WWOX: variants seen among roughly 807,000 people sequenced by gnomAD.
WWOX encodes WW domain-containing oxidoreductase.
Under a neutral mutation model 46.2 loss-of-function variants are expected in WWOX, and 69 were observed. That is an observed-to-expected ratio of 1.49 (90% confidence interval 1.23 to 1.82). The LOEUF is 1.82. Ranked by LOEUF, WWOX falls within the 40% of genes most tolerant of loss-of-function variation. The pLI is 0.00. For missense variants in WWOX, 919 were observed against 542.6 expected, an observed-to-expected ratio of 1.69 and a Z score of -6.89; for synonymous variants, 359 against 202.6, an observed-to-expected ratio of 1.77 and a Z score of -6.56.
intron 8 of WWOX, among the ~76,000 whole-genome samples, chr16:78,695,971 C>G (rs1221014523): frequency 6.6e-6 from 1 of 152,118 alleles, no homozygotes; most frequent in Non-Finnish European, 1.5e-5. Context: ...GATCTTGGGC[C>G]CCGCCCCAGA....
intron 8 of WWOX, among the ~76,000 whole-genome samples, chr16:79,013,177 C>T (rs562865116): frequency 2.0e-5 from 3 of 152,322 alleles, no homozygotes; most frequent in East Asian, 1.9e-4. Context: ...TGCCGCCCAC[C>T]GCACAGCCCC....
Position 78,341,413 on chromosome 16 carries a change from A to G in WWOX, c.517-45447A>G, listed in dbSNP as rs556797904. Among the ~76,000 whole-genome samples the G allele has an allele frequency of 3.6e-4, 44 of 121,736 alleles. 8 individuals are homozygous for G. Among genetic ancestry groups the G allele is most frequent in the African/African-American group, 1.2e-3 (44 of 36,104 alleles). The allele number at this position is 121,736 out of a possible 152,430, so 79.9% of individuals were successfully genotyped here. A position where few individuals can be genotyped will look rare whatever the true frequency, so the allele number is the denominator to read the frequency against. On this transcript the variant is annotated intron_variant, in intron 5 of 8. Coordinates refer to ENST00000566780, the MANE Select transcript of WWOX (RefSeq NM_016373.4). The stretch of plus-strand genomic sequence containing the variant: ...TTGGGATGAAAATTTTAAAAAATCA[A>G]TATGTATAATCCACCATCTTTGTTC...
intron 8 of WWOX, among the ~76,000 whole-genome samples, chr16:78,661,092 T>C (rs2047199811): frequency 6.6e-6 from 1 of 152,188 alleles, no homozygotes; most frequent in Admixed American, 6.5e-5. Context: ...AGGGAGGATT[T>C]CCAGCAGCAG....
At chr16:78,471,220 A>G (rs1481945536) in intron 8 of WWOX, among the ~76,000 whole-genome samples, 1 of 152,178 alleles carries the variant, frequency 6.6e-6, no homozygotes, top group Non-Finnish European at 1.5e-5. Flanking sequence ...GTGATTCTTC[A>G]TCCAGGATCT....
Position 78,342,505 on chromosome 16 carries a change from C to G in WWOX, c.517-44355C>G, listed in dbSNP as rs903556933. Among the ~76,000 whole-genome samples the G allele has an allele frequency of 1.3e-4, 15 of 119,762 alleles. 4 individuals carry two copies. Among genetic ancestry groups the G allele is most frequent in the African/African-American group, 2.0e-4 (7 of 35,272 alleles). 78.6% of individuals were successfully genotyped at this position (119,762 alleles called of 152,430 possible). On this transcript the variant is annotated intron_variant, in intron 5 of 8. Transcript: ENST00000566780. ...GTTGCTTCCATCAACATTCCACTGG[C>G]GAGAGTGAGTCCCTGGCCCCTATGT...
chr16:78,847,530 T>C (rs56128142), intron 8 of WWOX, among the ~76,000 whole-genome samples: 1 of 151,758 alleles, frequency 6.6e-6, no homozygotes, highest in Non-Finnish European at 1.5e-5. Flanking sequence ...AGCAGGGTCT[T>C]GCTATGTTGC....
chr16:78,437,762 A>C (rs1447658384), intron 8 of WWOX, among the ~76,000 whole-genome samples: 1 of 152,352 alleles, frequency 6.6e-6, no homozygotes, highest in East Asian at 1.9e-4. Context: ...AAAATATGTT[A>C]AAGGAAACTA....
chr16:78,910,766 A>C (rs938232429), intron 8 of WWOX, among the ~76,000 whole-genome samples: 3 of 151,882 alleles, frequency 2.0e-5, no homozygotes, highest in African/African-American at 7.2e-5. Context: ...ACTCACTATC[A>C]CAGAAACAAC....
intron 8 of WWOX, among the ~76,000 whole-genome samples, chr16:78,649,532 C>G (rs990038975): frequency 2.6e-5 from 4 of 152,182 alleles, no homozygotes; most frequent in Non-Finnish European, 5.9e-5. Context: ...CTGCCTCGGC[C>G]TCCCAAAGTG....
At chr16:78,516,254 C>T (rs1252916305) in intron 8 of WWOX, among the ~76,000 whole-genome samples, 1 of 152,130 alleles carries the variant, frequency 6.6e-6, no homozygotes, top group African/African-American at 2.4e-5. Context: ...ATGCCAAATG[C>T]AGGGAGGGTT....
chr16:78,460,839 C>G (rs1007241651), intron 8 of WWOX, among the ~76,000 whole-genome samples: 4 of 152,228 alleles, frequency 2.6e-5, no homozygotes, highest in African/African-American at 7.2e-5. Flanking sequence ...TTAGTTTGCT[C>G]TGTTACGTGA....
intron 8 of WWOX, among the ~76,000 whole-genome samples, chr16:78,972,733 C>T (rs2046496556): frequency 1.3e-5 from 2 of 152,226 alleles, no homozygotes; most frequent in African/African-American, 2.4e-5. Context: ...AAGACTCCCA[C>T]TTTATTATTT....
chr16:78,751,665 A>C (rs2049483519), intron 8 of WWOX, among the ~76,000 whole-genome samples: 1 of 151,816 alleles, frequency 6.6e-6, no homozygotes, highest in South Asian at 2.1e-4. Flanking sequence ...ATACTCCAAG[A>C]AAGCCATTTC....
chr16:79,067,322 T>C (rs1290667269), intron 8 of WWOX, among the ~76,000 whole-genome samples: 1 of 152,206 alleles, frequency 6.6e-6, no homozygotes, highest in Non-Finnish European at 1.5e-5. Context: ...CTTGAGTCCC[T>C]GTTCCTCCCT....
intron 8 of WWOX, among the ~76,000 whole-genome samples, chr16:79,095,309 A>G (rs2049046148): frequency 6.6e-6 from 1 of 152,184 alleles, no homozygotes; most frequent in Non-Finnish European, 1.5e-5. Flanking sequence ...TCCTTCAAGG[A>G]GCTCAAACTG....
chr16:78,497,210 A>G (rs569539522), intron 8 of WWOX, among the ~76,000 whole-genome samples: 2 of 144,284 alleles, frequency 1.4e-5, no homozygotes, highest in East Asian at 4.2e-4. Context: ...AAGTTGACCA[A>G]ATGATTCCAC....
intron 8 of WWOX, among the ~76,000 whole-genome samples, chr16:78,555,020 G>A (rs950316525): frequency 2.0e-5 from 3 of 152,146 alleles, no homozygotes; most frequent in African/African-American, 7.2e-5. Flanking sequence ...ACAACTTCTG[G>A]CTCCCTTGCC....
chr16:78,521,029 C>T (rs940624945), intron 8 of WWOX, among the ~76,000 whole-genome samples: 1 of 152,124 alleles, frequency 6.6e-6, no homozygotes, highest in African/African-American at 2.4e-5. Context: ...TGCCTCCAGG[C>T]CCCTTCTGGA....
At chr16:79,104,758 A>G (rs558598476) in intron 8 of WWOX, among the ~76,000 whole-genome samples, 1 of 152,026 alleles carries the variant, frequency 6.6e-6, no homozygotes, top group South Asian at 2.1e-4. Flanking sequence ...TCATTTGGAG[A>G]CCTACAGAAA....
Sources: allele counts gnomAD v4.1 joint callset (sites outside exome capture counted in the v4.1 genomes callset), GRCh38; gene constraint gnomAD v4.1.1; transcripts MANE v1.5; gene names NCBI Gene and HGNC (gene_info 2026-07-23, HGNC 2026-07-21).